The following TMEM86B variants were observed in gnomAD, a reference collection of about 807,000 sequenced individuals.
TMEM86B encodes the protein lysoplasmalogenase TMEM86B.
In TMEM86B, 15 loss-of-function variants were observed where a neutral mutation model predicts 12.3. The observed-to-expected ratio is 1.22, with a 90% CI of 0.81 to 1.87. TMEM86B has a LOEUF of 1.87. Ranked by LOEUF, TMEM86B falls within the 40% of genes most tolerant of loss-of-function variation. The pLI is 0.00. For missense variants in TMEM86B, 328 were observed against 297.4 expected (o/e 1.10, Z -0.76); for synonymous variants, 173 against 140.3 (o/e 1.23, Z -1.65).
chr19:55,227,938 C>T, intron 2 of TMEM86B: 2 of 670,010 alleles, frequency 3.0e-6, no homozygotes, highest in Non-Finnish European at 4.9e-6. Flanking sequence ...AGGCCTTCCT[C>T]AGCAACCCTG....
Position 55,227,163 on chromosome 19 carries a change from G to A in TMEM86B, c.*18C>T. 1.4e-6 allele frequency: 2 copies of A among 1,462,728 alleles called. No individual in the cohort carries two copies. The highest frequency in any genetic ancestry group is 1.4e-5 in the South Asian group (1 of 69,020). The allele number at this position is 1,462,728 out of a possible 1,614,324, so 90.6% of individuals were successfully genotyped here. On this transcript the variant is annotated 3_prime_UTR_variant, in exon 3 of 3. Coordinates refer to ENST00000327042, the MANE Select transcript of TMEM86B (RefSeq NM_173804.5). The stretch of plus-strand genomic sequence containing the variant: ...GCAGGAGGAGAGGGCCTGAACACCG[G>A]CCCTTCAAGCTCCCTAGTCAGTCAG...
intron 2 of TMEM86B, chr19:55,227,776 G>T: frequency 1.5e-6 from 1 of 687,018 alleles, no homozygotes; most frequent in Non-Finnish European, 2.3e-6. Flanking sequence ...AAAGCCCCAT[G>T]GCCTCCAGCT....
At position 55,227,060 on chromosome 19, in the gene TMEM86B, G is replaced by A. The variant is rs750551764; in HGVS notation, c.*121C>T. On this transcript the variant is annotated 3_prime_UTR_variant, in exon 3 of 3. Transcript: ENST00000327042. ...AGCCAGAAGCGACGGCGGCAGCGGCGCCTGCAGACAGGCGTCAGGAAGCTT... is the reference window on the plus strand; with the variant it reads ...AGCCAGAAGCGACGGCGGCAGCGGCACCTGCAGACAGGCGTCAGGAAGCTT... 82 of 1,177,548 alleles carry A rather than the reference G, an allele frequency of 7.0e-5. No homozygotes were observed. Among genetic ancestry groups the A allele is most frequent in the East Asian group, 3.0e-4 (10 of 33,186 alleles). 72.9% of individuals were successfully genotyped at this position (1,177,548 alleles called of 1,614,324 possible).
In TMEM86B at chr19:55,227,357, C is replaced by T; in HGVS notation, c.505G>A (p.Gly169Ser). ...AGCGCGCCCCAGCCGGCACTCCCGC[C>T]CTGGGCCAGGCCGCGCCACAGCATG... is the stretch of plus-strand genomic sequence containing the variant. ...MAMLWRGLAQ[G>S]GSAGWGALLF... The change falls in exon 3 of 3, where the codon GGC becomes AGC. Residue 169 changes from glycine to serine, a missense_variant. Coordinates refer to ENST00000327042, the MANE Select transcript of TMEM86B (RefSeq NM_173804.5). 1.2e-6 allele frequency: 2 copies of T among 1,603,380 alleles called. No homozygotes were observed. The highest frequency in any genetic ancestry group is 1.7e-6 in the Non-Finnish European group (2 of 1,174,900).
At position 55,226,995 on chromosome 19, in the gene TMEM86B, A is replaced by G. The variant is rs753961394; in HGVS notation, c.*186T>C. ...CGGGGGAAGGCAGCTGGAACCCAGT[A>G]GTGGACTTGGAATTCCGCAAATCGT... On this transcript the variant is annotated 3_prime_UTR_variant, in exon 3 of 3. Transcript: ENST00000327042. The G allele has an allele frequency of 8.7e-6, 5 of 577,546 alleles. No individual in the cohort carries two copies. Among genetic ancestry groups the G allele is most frequent in the Non-Finnish European group, 7.9e-6 (3 of 377,414 alleles). The allele number at this position is 577,546 out of a possible 1,614,324, so 35.8% of individuals were successfully genotyped here.
intron 1 of TMEM86B, 116 bp from the exon 2 acceptor site, chr19:55,228,553 C>G: frequency 6.5e-7 from 1 of 1,529,066 alleles, no homozygotes; most frequent in South Asian, 1.2e-5. Flanking sequence ...CAGGCTGGAC[C>G]CATTCAGGGA....
chr19:55,228,110 C>A, intron 2 of TMEM86B, 81 bp downstream of exon 2: 1 of 1,510,254 alleles, frequency 6.6e-7, no homozygotes, highest in South Asian at 1.3e-5. Flanking sequence ...CACAGGAGCC[C>A]TCTGCACCCA....
Position 55,228,397 on chromosome 19 carries a change from G to A in TMEM86B, c.92C>T (p.Ser31Phe), listed in dbSNP as rs767096515. The A allele has an allele frequency of 1.4e-5, 22 of 1,613,544 alleles. No homozygotes were observed. Among genetic ancestry groups the A allele is most frequent in the Non-Finnish European group, 1.8e-5 (21 of 1,180,034 alleles). The change falls in exon 2 of 3, where the codon TCC (serine) becomes TTC (phenylalanine). Residue 31 changes from serine (S) to phenylalanine (F), a missense_variant. Physicochemically the swap from Ser to Phe is radical, Grantham distance 155 (BLOSUM62 -2). Transcript: ENST00000327042. Reference sequence around the variant, plus strand: ...CCAGAGGCAGAAGTACACGCAGCAGGAGAGGATGAAGGGGCTCAGCCACCT... The same window carrying A: ...CCAGAGGCAGAAGTACACGCAGCAGAAGAGGATGAAGGGGCTCAGCCACCT... ...VCRWLSPFIL[S>F]CCVYFCLWIP...
chr19:55,228,088 CA>C (rs1442352915), intron 2 of TMEM86B, 102 bp downstream of exon 2: 1 of 1,468,946 alleles, frequency 6.8e-7, no homozygotes, highest in Non-Finnish European at 9.0e-7. Context: ...TGCCTTTGAC[CA>C]CTGGAGCTCT....
chr19:55,227,907 C>T, intron 2 of TMEM86B: 1 of 620,658 alleles, frequency 1.6e-6, no homozygotes, highest in Non-Finnish European at 2.8e-6. Flanking sequence ...TCAGCTCTGC[C>T]CAAATGTGAC....
rs10406493 is a variant in TMEM86B, at chr19:55,226,803, T to C, written c.*378A>G. The stretch of plus-strand genomic sequence containing the variant: ...TCATGACCCTCCCCGAGGCCTCTCC[T>C]ACGGTAACAGCAACATCTACGGTTC... On this transcript the variant is annotated 3_prime_UTR_variant, in exon 3 of 3. Coordinates refer to ENST00000327042, the MANE Select transcript of TMEM86B (RefSeq NM_173804.5). 5.9e-3 allele frequency: 1,181 copies of C among 199,486 alleles called. 20 individuals are homozygous for C. The highest frequency in any genetic ancestry group is 0.025 in the African/African-American group (1,098 of 43,274). The allele number at this position is 199,486 out of a possible 1,614,324, so 12.4% of individuals were successfully genotyped here. A position where few individuals can be genotyped will look rare whatever the true frequency, so the allele number is the denominator to read the frequency against.
chr19:55,228,373 C>G lies in TMEM86B; in HGVS notation c.116G>C (p.Trp39Ser), dbSNP rs1404823407. Residue 39 changes from tryptophan to serine, a missense_variant, in exon 2 of 3, where the codon TGG becomes TCG. Physicochemically the swap from Trp to Ser is radical, Grantham distance 177. Coordinates refer to ENST00000327042, the MANE Select transcript of TMEM86B (RefSeq NM_173804.5). ...ILSCCVYFCL[W>S]IPEDQLSWFA... ...CCAGGACAGCTGGTCCTCGGGAATC[C>G]AGAGGCAGAAGTACACGCAGCAGGA... is the stretch of plus-strand genomic sequence containing the variant. The G allele has an allele frequency of 2.5e-6, 4 of 1,613,926 alleles. No homozygotes were observed. The highest frequency in any genetic ancestry group is 3.4e-6 in the Non-Finnish European group (4 of 1,180,026).
rs367839031 is a variant in TMEM86B, at chr19:55,228,569, C to T, written c.51+122G>A. Reference sequence around the variant, plus strand: ...AGGCTGGACCCATTCAGGGACCAGGCTGCCAGAACCCAGCTTCCCAGGGCC... The same window carrying T: ...AGGCTGGACCCATTCAGGGACCAGGTTGCCAGAACCCAGCTTCCCAGGGCC... On this transcript the variant is annotated intron_variant, in intron 1 of 2. Transcript: ENST00000327042. The T allele has an allele frequency of 2.6e-6, 4 of 1,519,866 alleles. No homozygotes were observed. The African/African-American group carries it at 4.1e-5, about 16-fold the overall frequency. The allele number at this position is 1,519,866 out of a possible 1,614,324, so 94.1% of individuals were successfully genotyped here. A position where few individuals can be genotyped will look rare whatever the true frequency, so the allele number is the denominator to read the frequency against.
rs927436906 is a variant in TMEM86B, at chr19:55,227,114, C to T, written c.*67G>A. ...TGCTGAGGGTATTTCTCAGGCTGGG[C>T]TGGGCTGGGAGGCCCAGGTCCTTGC... On this transcript the variant is annotated 3_prime_UTR_variant, in exon 3 of 3. Coordinates refer to ENST00000327042, the MANE Select transcript of TMEM86B (RefSeq NM_173804.5). 27 of 1,380,898 alleles carry T rather than the reference C, an allele frequency of 2.0e-5. No homozygotes were observed. The highest frequency in any genetic ancestry group is 2.7e-4 in the Middle Eastern group (1 of 3,642). 85.5% of individuals were successfully genotyped at this position (1,380,898 alleles called of 1,614,324 possible). A position where few individuals can be genotyped will look rare whatever the true frequency, so the allele number is the denominator to read the frequency against.
rs1214987711 is a variant in TMEM86B at position 55,226,989 on chromosome 19, C to T, written c.*192G>A. 1.8e-6 allele frequency: 1 copy of T among 555,252 alleles called. No individual in the cohort carries two copies. Among genetic ancestry groups the T allele is most frequent in the African/African-American group, 1.9e-5 (1 of 51,634 alleles). The allele number at this position is 555,252 out of a possible 1,614,324, so 34.4% of individuals were successfully genotyped here. On this transcript the variant is annotated 3_prime_UTR_variant, in exon 3 of 3. Transcript: ENST00000327042. Reference sequence around the variant, plus strand: ...CAGAACCGGGGGAAGGCAGCTGGAACCCAGTAGTGGACTTGGAATTCCGCA... The same window carrying T: ...CAGAACCGGGGGAAGGCAGCTGGAATCCAGTAGTGGACTTGGAATTCCGCA...
At chr19:55,227,647 G>A in intron 2 of TMEM86B, 84 bp from the exon 3 acceptor site, 2 of 1,432,396 alleles carry the variant, frequency 1.4e-6, no homozygotes, top group African/African-American at 1.4e-5. Flanking sequence ...CTAAGAGAAG[G>A]ACCATCCCAG....
rs888267728 is a variant in TMEM86B at position 55,227,046 on chromosome 19, A to ACGG, written c.*132_*134dup. 2.8e-6 allele frequency: 3 copies of ACGG among 1,064,586 alleles called. No individual in the cohort carries two copies. The Admixed American group carries it at 1.1e-4, about 40-fold the overall frequency. 65.9% of individuals were successfully genotyped at this position (1,064,586 alleles called of 1,614,324 possible). A position where few individuals can be genotyped will look rare whatever the true frequency, so the allele number is the denominator to read the frequency against. On this transcript the variant is annotated 3_prime_UTR_variant, in exon 3 of 3. Transcript: ENST00000327042. ...CCTCAAACGTCTTCAGCCAGAAGCGACGGCGGCAGCGGCGCCTGCAGACAG... is the reference window on the plus strand; with the variant it reads ...CCTCAAACGTCTTCAGCCAGAAGCGACGGCGGCGGCAGCGGCGCCTGCAGACAG...
At position 55,227,544 on chromosome 19, in the gene TMEM86B, G is replaced by A. The variant is rs567401074; in HGVS notation, c.318C>T (p.Thr106=). 1.4e-5 allele frequency: 21 copies of A among 1,533,946 alleles called. No homozygotes were observed. The highest frequency in any genetic ancestry group is 2.5e-5 in the East Asian group (1 of 40,558). ...AGGCCCAGACGTAGAGGAGGTGGGC[G>A]GTGGCAAAGGCGGCCATGCCTGGCG... is the stretch of plus-strand genomic sequence containing the variant. ...AFVPGMAAFA[T]AHLLYVWAFG... Residue 106 remains threonine, a synonymous_variant, in exon 3 of 3, where the codon ACC becomes ACT. Transcript: ENST00000327042.
rs552802117 is a variant in TMEM86B at position 55,228,682 on chromosome 19, G to A, written c.51+9C>T. 1.6e-5 allele frequency: 26 copies of A among 1,611,600 alleles called. No homozygotes were observed. Among genetic ancestry groups the A allele is most frequent in the Non-Finnish European group, 2.2e-5 (26 of 1,178,924 alleles). ...CCCCAGCCCCAGGCACAGCTCAGAAGGCTCTCACCTGGGCTGAGCAGTGAG... is the reference window on the plus strand; with the variant it reads ...CCCCAGCCCCAGGCACAGCTCAGAAAGCTCTCACCTGGGCTGAGCAGTGAG... On this transcript the variant is annotated intron_variant, in intron 1 of 2. Transcript: ENST00000327042.
Sources: allele counts gnomAD v4.1 joint callset, GRCh38; gene constraint gnomAD v4.1.1; transcripts MANE v1.5; gene names NCBI Gene and HGNC (gene_info 2026-07-23, HGNC 2026-07-21).